The following ATP8B2 variants were observed in gnomAD, a reference collection of about 807,000 sequenced individuals.
The protein encoded by ATP8B2 is phospholipid-transporting ATPase ID.
ATP8B2 carries 70 observed loss-of-function variants against 133.4 expected under a neutral mutation model. That is an observed-to-expected ratio of 0.52 (90% CI 0.43 to 0.64). The LOEUF (loss-of-function observed/expected upper bound fraction) is 0.64, where lower values mean the gene tolerates loss of function less well. Ranked by LOEUF, ATP8B2 falls within the 30% of genes least tolerant of loss-of-function variation. The probability of loss-of-function intolerance (pLI) is 0.00; values close to 1 mark genes in which losing one functional copy is unlikely to be tolerated. For missense variants in ATP8B2, 1,101 were observed against 1,535.7 expected, an observed-to-expected ratio of 0.72 and a Z score of 4.73; for synonymous variants, 517 against 589.5, an observed-to-expected ratio of 0.88 and a Z score of 1.78.
rs2149169899 is a variant in ATP8B2, at chr1:154,340,147, T to C, written c.1035-707T>C. On this transcript the variant is annotated intron_variant, in intron 12 of 27. Transcript: ENST00000368489. This position sits in a 1 kb window ranked among gnomAD's most constrained non-coding sequence, Gnocchi z 4.0. ...GTGAGCTATGATTACACTACTGCAC[T>C]CCAGCTTGGGTGACAGAGACCCTAG... Among the ~76,000 whole-genome samples, 1 of 152,234 alleles carries C rather than the reference T, an allele frequency of 6.6e-6. No homozygotes were observed. The highest frequency in any genetic ancestry group is 1.9e-4 in the East Asian group (1 of 5,172).
At chr1:154,329,230 G>C (rs956728615) in intron 2 of ATP8B2, among the ~76,000 whole-genome samples, 2 of 152,056 alleles carry the variant, frequency 1.3e-5, no homozygotes, top group African/African-American at 2.4e-5. Flanking sequence ...TACCTTCTTC[G>C]TTTGCATGGT....
intron 2 of ATP8B2, chr1:154,329,100 C>T: frequency 4.0e-6 from 5 of 1,254,452 alleles, no homozygotes; most frequent in Non-Finnish European, 5.2e-6. Context: ...CGCCTGGCAG[C>T]TCTCCCGCAC....
Position 154,346,492 on chromosome 1 carries a change from G to C in ATP8B2, c.3024+16G>C, listed in dbSNP as rs1207887036. ...TAGCGTGCAGGTATGAGGCCATCCAGGAACTCCCCTCTTCTCTGGAAGGAG... is the reference window on the plus strand; with the variant it reads ...TAGCGTGCAGGTATGAGGCCATCCACGAACTCCCCTCTTCTCTGGAAGGAG... On this transcript the variant is annotated intron_variant, in intron 25 of 27. Transcript: ENST00000368489. The surrounding 1 kb of genome is among the most constrained non-coding windows in gnomAD (Gnocchi z 4.5). 6 of 1,607,656 alleles carry C rather than the reference G, an allele frequency of 3.7e-6. No homozygotes were observed. The East Asian group carries it at 1.3e-4, about 36-fold the overall frequency.
rs1686229902 is a variant in ATP8B2 at position 154,337,547 on chromosome 1, A to G, written c.1034+3A>G. ...GTGCCCATTTCACTCTATGTCAGGTATGTGCCTTCTCTGACCTGGGGTCTC... is the reference window on the plus strand; with the variant it reads ...GTGCCCATTTCACTCTATGTCAGGTGTGTGCCTTCTCTGACCTGGGGTCTC... On this transcript the variant is annotated splice_donor_region_variant and intron_variant, in intron 12 of 27. Coordinates refer to ENST00000368489, the MANE Select transcript of ATP8B2 (RefSeq NM_001370597.1). The G allele has an allele frequency of 6.2e-7, 1 of 1,614,058 alleles. No individual in the cohort carries two copies. The highest frequency in any genetic ancestry group is 8.5e-7 in the Non-Finnish European group (1 of 1,180,020).
In ATP8B2 at chr1:154,334,372, C is replaced by A. The variant is rs1686104209; in HGVS notation, c.748+107C>A. 1 of 1,528,348 alleles carries A rather than the reference C, an allele frequency of 6.5e-7. No individual in the cohort carries two copies. The highest frequency in any genetic ancestry group is 9.0e-7 in the Non-Finnish European group (1 of 1,116,306). 94.7% of individuals were successfully genotyped at this position (1,528,348 alleles called of 1,614,324 possible). A position where few individuals can be genotyped will look rare whatever the true frequency, so the allele number is the denominator to read the frequency against. Reference sequence around the variant, plus strand: ...AATACCTAAGGTAAAAAACCTCCAGCTGTGTATACAGGCTTCTTATCTAGC... The same window carrying A: ...AATACCTAAGGTAAAAAACCTCCAGATGTGTATACAGGCTTCTTATCTAGC... On this transcript the variant is annotated intron_variant, in intron 10 of 27. Coordinates refer to ENST00000368489, the MANE Select transcript of ATP8B2 (RefSeq NM_001370597.1). The surrounding 1 kb of genome is among the most constrained non-coding windows in gnomAD (Gnocchi z 4.6).
intron 13 of ATP8B2, 55 bp from the exon 14 acceptor site, chr1:154,342,425 C>T: frequency 1.3e-6 from 2 of 1,564,588 alleles, no homozygotes; most frequent in Non-Finnish European, 1.8e-6. Context: ...TTTTTCCATG[C>T]TCTGGAGCTC....
chr1:154,330,282 G>T, intron 2 of ATP8B2, 114 bp from the exon 3 acceptor site: 1 of 858,548 alleles, frequency 1.2e-6, no homozygotes, highest in Non-Finnish European at 1.9e-6. Context: ...CCCCTCAGTT[G>T]TGGAGCTAAC....
In ATP8B2 at chr1:154,328,220, G is replaced by T. The variant is rs769720108; in HGVS notation, c.31+48G>T. ...ATCCCGGGAACCATCAAGAGTGGGT[G>T]TTGTTATGGCTCAGGGAGCAAAAGG... On this transcript the variant is annotated intron_variant, in intron 2 of 27. Transcript: ENST00000368489. The surrounding 1 kb of genome is among the most constrained non-coding windows in gnomAD (Gnocchi z 4.6). The T allele has an allele frequency of 3.8e-6, 6 of 1,567,340 alleles. No homozygotes were observed. Among genetic ancestry groups the T allele is most frequent in the Non-Finnish European group, 4.4e-6 (5 of 1,138,452 alleles).
In ATP8B2 at chr1:154,345,716, C is replaced by A; in HGVS notation, c.2695-84C>A. The A allele has an allele frequency of 7.1e-7, 1 of 1,402,564 alleles. No individual in the cohort carries two copies. The highest frequency in any genetic ancestry group is 1.0e-6 in the Non-Finnish European group (1 of 991,774). The allele number at this position is 1,402,564 out of a possible 1,614,324, so 86.9% of individuals were successfully genotyped here. Reference sequence around the variant, plus strand: ...GCCTCAGAAAATTTCTTAGGGTTCTCTGTATGTGACATCAGCTGTCTTCCT... The same window carrying A: ...GCCTCAGAAAATTTCTTAGGGTTCTATGTATGTGACATCAGCTGTCTTCCT... On this transcript the variant is annotated intron_variant, in intron 23 of 27. Coordinates refer to ENST00000368489, the MANE Select transcript of ATP8B2 (RefSeq NM_001370597.1). The surrounding 1 kb of genome is among the most constrained non-coding windows in gnomAD (Gnocchi z 5.6).
At chr1:154,326,839 C>T (rs1685808318) in intron 1 of ATP8B2, among the ~76,000 whole-genome samples, 1 of 152,214 alleles carries the variant, frequency 6.6e-6, no homozygotes, top group South Asian at 2.1e-4. Flanking sequence ...ATCCTTTAAC[C>T]TCTCCCTGTG....
chr1:154,342,568 G>T (rs373365601), intron 14 of ATP8B2, 45 bp downstream of exon 14: 9 of 1,582,348 alleles, frequency 5.7e-6, no homozygotes, highest in South Asian at 1.1e-5. Flanking sequence ...GAAACAGGGT[G>T]CCTGGCCAGT....
intron 1 of ATP8B2, 130 bp from the exon 2 acceptor site, chr1:154,327,975 G>C: frequency 6.6e-7 from 1 of 1,514,860 alleles, no homozygotes; most frequent in Non-Finnish European, 9.2e-7. Context: ...TAAGAGGAGA[G>C]ACTGGGAGAA....
intron 27 of ATP8B2, 78 bp from the exon 28 acceptor site, chr1:154,348,762 G>A: frequency 6.8e-7 from 1 of 1,467,478 alleles, no homozygotes; most frequent in South Asian, 1.3e-5. Flanking sequence ...CTGGTCCCGG[G>A]TGCTGTGGGT....
In ATP8B2 at chr1:154,345,637, G is replaced by A. The variant is rs893664742; in HGVS notation, c.2694+92G>A. 2.9e-6 allele frequency: 4 copies of A among 1,360,864 alleles called. No individual in the cohort carries two copies. The African/African-American group carries it at 5.8e-5, about 20-fold the overall frequency. The allele number at this position is 1,360,864 out of a possible 1,614,324, so 84.3% of individuals were successfully genotyped here. On this transcript the variant is annotated intron_variant, in intron 23 of 27. Coordinates refer to ENST00000368489, the MANE Select transcript of ATP8B2 (RefSeq NM_001370597.1). The surrounding 1 kb of genome is among the most constrained non-coding windows in gnomAD (Gnocchi z 5.6). ...TTATCACTCAGTCCCCCAGGGCCTA[G>A]CTATTTTCTGGTACATACTCTTAAA...
Position 154,340,711 on chromosome 1 carries a change from C to T in ATP8B2, c.1035-143C>T. Reference sequence around the variant, plus strand: ...CGGCTCCACCTTCAGGCTCTCCTTGCCCTTTCCCACCCAGGTTTCTGTGCC... The same window carrying T: ...CGGCTCCACCTTCAGGCTCTCCTTGTCCTTTCCCACCCAGGTTTCTGTGCC... On this transcript the variant is annotated intron_variant, in intron 12 of 27. Coordinates refer to ENST00000368489, the MANE Select transcript of ATP8B2 (RefSeq NM_001370597.1). This position sits in a 1 kb window ranked among gnomAD's most constrained non-coding sequence, Gnocchi z 4.0. The T allele has an allele frequency of 2.6e-6, 2 of 777,434 alleles. No homozygotes were observed. Among genetic ancestry groups the T allele is most frequent in the Non-Finnish European group, 4.3e-6 (2 of 463,120 alleles). 48.2% of individuals were successfully genotyped at this position (777,434 alleles called of 1,614,324 possible).
Position 154,341,283 on chromosome 1 carries a change from G to C in ATP8B2, c.1243+221G>C, listed in dbSNP as rs1050099519. 3 of 620,236 alleles carry C rather than the reference G, an allele frequency of 4.8e-6. No individual in the cohort carries two copies. The South Asian group carries it at 5.5e-5, about 11-fold the overall frequency. 38.4% of individuals were successfully genotyped at this position (620,236 alleles called of 1,614,324 possible). ...GAGGATTGCTCGAGCCCAGGAATGC[G>C]AGACCAGCCTGGGCAACATAGTGAG... is the stretch of plus-strand genomic sequence containing the variant. On this transcript the variant is annotated intron_variant, in intron 13 of 27. Transcript: ENST00000368489.
Position 154,345,659 on chromosome 1 carries a change from TA to T in ATP8B2, c.2694+120del. 1 of 1,315,050 alleles carries T rather than the reference TA, an allele frequency of 7.6e-7. No individual in the cohort carries two copies. The highest frequency in any genetic ancestry group is 1.3e-5 in the South Asian group (1 of 77,428). 81.5% of individuals were successfully genotyped at this position (1,315,050 alleles called of 1,614,324 possible). A position where few individuals can be genotyped will look rare whatever the true frequency, so the allele number is the denominator to read the frequency against. On this transcript the variant is annotated intron_variant, in intron 23 of 27. Coordinates refer to ENST00000368489, the MANE Select transcript of ATP8B2 (RefSeq NM_001370597.1). The surrounding 1 kb of genome is among the most constrained non-coding windows in gnomAD (Gnocchi z 5.6). Reference sequence around the variant, plus strand: ...CTAGCTATTTTCTGGTACATACTCTTAAAAAATGCTTATTAAAGGAGGAGAG... The same window carrying T: ...CTAGCTATTTTCTGGTACATACTCTTAAAAATGCTTATTAAAGGAGGAGAG...
chr1:154,336,637 G>A (rs891084072), intron 11 of ATP8B2, among the ~76,000 whole-genome samples: 4 of 151,648 alleles, frequency 2.6e-5, no homozygotes, highest in South Asian at 2.1e-4. Flanking sequence ...ACAGGTGCCC[G>A]CCACCACACC....
intron 9 of ATP8B2, among the ~76,000 whole-genome samples, chr1:154,333,643 C>CT (rs60216416): frequency 3.2e-4 from 45 of 139,676 alleles, no homozygotes; most frequent in African/African-American, 9.6e-4. Flanking sequence ...CATGCTGCAG[C>CT]TTTTTTTTTT....
Sources: gnomAD v4.1 joint callset for allele counts (sites outside exome capture counted in the v4.1 genomes callset) on GRCh38, gnomAD v4.1.1 for gene constraint, Gnocchi (gnomAD v3.1) non-coding constraint, MANE v1.5 for transcripts, NCBI Gene and HGNC (gene_info 2026-07-23, HGNC 2026-07-21) for gene names.